The following C10orf90 variants were observed in gnomAD, a reference collection of about 807,000 sequenced individuals.
C10orf90 encodes chromosome 10 open reading frame 90.
Under a neutral mutation model 62.5 loss-of-function variants are expected in C10orf90, and 56 were observed. That is an observed-to-expected ratio of 0.90 (90% CI 0.72 to 1.12). The LOEUF is 1.12. Among genes scored for constraint, C10orf90 ranks in the 50% most tolerant of loss-of-function variants. The pLI is 0.00. For synonymous variants in C10orf90, 386 were observed against 340.4 expected (o/e 1.13, Z -1.47); for missense variants, 970 against 880.4 (o/e 1.10, Z -1.29).
At chr10:126,479,869 A>G (rs1310350127) in intron 4 of C10orf90, among the ~76,000 whole-genome samples, 1 of 152,234 alleles carries the variant, frequency 6.6e-6, no homozygotes, top group African/African-American at 2.4e-5. Flanking sequence ...CTCGATTATA[A>G]TAGCAGACTG....
intron 7 of C10orf90, among the ~76,000 whole-genome samples, chr10:126,433,278 G>A (rs1265499279): frequency 6.6e-6 from 1 of 152,164 alleles, no homozygotes; most frequent in Non-Finnish European, 1.5e-5. Context: ...TCAGAGCCCA[G>A]GATGAGAATG....
At chr10:126,645,546 C>T (rs1487981542) in intron 2 of C10orf90, among the ~76,000 whole-genome samples, 5 of 149,024 alleles carry the variant, frequency 3.4e-5, no homozygotes, top group African/African-American at 1.2e-4. Context: ...GTCATGATAG[C>T]ACCACTGCAC....
In C10orf90 at chr10:126,576,706, T is replaced by TAC. The variant is rs1491013246; in HGVS notation, c.314-62768_314-62767insGT. ...ATACATATACATGTATATGTATATG[T>TAC]ATATATATACAAGATATACATATAT... On this transcript the variant is annotated intron_variant, in intron 2 of 9. Coordinates refer to ENST00000488181, the MANE Select transcript of C10orf90 (RefSeq NM_001350921.2). 2.1e-4 allele frequency among the ~76,000 whole-genome samples: 8 copies of TAC among 37,396 alleles called. 1 individual carries two copies. Among genetic ancestry groups the TAC allele is most frequent in the African/African-American group, 8.1e-4 (7 of 8,674 alleles). 24.5% of individuals were successfully genotyped at this position (37,396 alleles called of 152,430 possible).
intron 2 of C10orf90, among the ~76,000 whole-genome samples, chr10:126,576,785 T>A (rs1179148225): frequency 1.4e-5 from 2 of 143,564 alleles, no homozygotes; most frequent in East Asian, 3.9e-4. Context: ...ATACATATTA[T>A]ATATATATTT....
chr10:126,530,751 A>C (rs1864070015), intron 2 of C10orf90, among the ~76,000 whole-genome samples: 1 of 152,178 alleles, frequency 6.6e-6, no homozygotes, highest in African/African-American at 2.4e-5. Flanking sequence ...CAGGAAGAAA[A>C]CATGCCAACC....
chr10:126,626,997 TTTC>T (rs1438966002), intron 2 of C10orf90, among the ~76,000 whole-genome samples: 76 of 109,144 alleles, frequency 7.0e-4, no homozygotes, highest in African/African-American at 2.6e-3. Context: ...TTCTTTTTCT[TTTC>T]TTTTTTTTTT....
chr10:126,667,938 C>T (rs1170436823), intron 1 of C10orf90, among the ~76,000 whole-genome samples: 1 of 152,182 alleles, frequency 6.6e-6, no homozygotes, highest in Non-Finnish European at 1.5e-5. Context: ...CTCACCACCA[C>T]CTGCTCCCAA....
At chr10:126,587,298 C>T (rs991812082) in intron 2 of C10orf90, among the ~76,000 whole-genome samples, 4 of 152,220 alleles carry the variant, frequency 2.6e-5, no homozygotes, top group Non-Finnish European at 1.5e-5. Flanking sequence ...TCAGTCAGCT[C>T]AGGCTGCCAT....
intron 7 of C10orf90, among the ~76,000 whole-genome samples, chr10:126,455,133 A>G (rs541056081): frequency 6.6e-6 from 1 of 152,188 alleles, no homozygotes; most frequent in African/African-American, 2.4e-5. Flanking sequence ...ACCTGAAGCT[A>G]CACTACCAGC....
At chr10:126,522,469 G>A (rs1221789030) in intron 2 of C10orf90, among the ~76,000 whole-genome samples, 1 of 152,170 alleles carries the variant, frequency 6.6e-6, no homozygotes, top group African/African-American at 2.4e-5. Context: ...TAAATGCATA[G>A]TGGCTTTGTA....
intron 7 of C10orf90, among the ~76,000 whole-genome samples, chr10:126,444,773 A>C (rs182207083): frequency 6.6e-6 from 1 of 152,310 alleles, no homozygotes; most frequent in Non-Finnish European, 1.5e-5. Flanking sequence ...TTCAAACTAT[A>C]CTATAAGGCC....
At chr10:126,598,557 AG>A in intron 2 of C10orf90, among the ~76,000 whole-genome samples, 1 of 152,304 alleles carries the variant, frequency 6.6e-6, no homozygotes, top group African/African-American at 2.4e-5. Context: ...ATACAGCTTC[AG>A]CTTGTGGTCT....
intron 2 of C10orf90, among the ~76,000 whole-genome samples, chr10:126,515,338 A>T (rs1863380376): frequency 6.6e-6 from 1 of 152,178 alleles, no homozygotes. Context: ...TCACTCACTC[A>T]TCCAGATCAA....
At chr10:126,467,229 C>A (rs533383634) in intron 4 of C10orf90, among the ~76,000 whole-genome samples, 1 of 152,142 alleles carries the variant, frequency 6.6e-6, no homozygotes, top group Non-Finnish European at 1.5e-5. Context: ...AGAGTTAAAG[C>A]AACTCAGAGA....
intron 8 of C10orf90, among the ~76,000 whole-genome samples, chr10:126,427,155 A>C (rs2133971795): frequency 6.6e-6 from 1 of 152,362 alleles, no homozygotes; most frequent in African/African-American, 2.4e-5. Flanking sequence ...TGTGCCTAGT[A>C]CAGTGCCTAG....
At chr10:126,565,426 T>TATATTATATAAA (rs1375705834) in intron 2 of C10orf90, among the ~76,000 whole-genome samples, 6 of 57,210 alleles carry the variant, frequency 1.0e-4, no homozygotes, top group Admixed American at 3.0e-4. Context: ...TTATATATAT[T>TATATTATATAAA]ATATATATTA....
intron 2 of C10orf90, among the ~76,000 whole-genome samples, chr10:126,584,396 C>T (rs1386950650): frequency 6.6e-6 from 1 of 151,980 alleles, no homozygotes; most frequent in Non-Finnish European, 1.5e-5. Flanking sequence ...TACCTGTCCA[C>T]CTGCCTGTCT....
intron 4 of C10orf90, among the ~76,000 whole-genome samples, chr10:126,503,016 T>C (rs1862492747): frequency 6.6e-6 from 1 of 152,234 alleles, no homozygotes; most frequent in Non-Finnish European, 1.5e-5. Context: ...AATAAAGCTT[T>C]AATGAATAAA....
At chr10:126,517,077 C>T (rs1300496087) in intron 2 of C10orf90, among the ~76,000 whole-genome samples, 2 of 152,036 alleles carry the variant, frequency 1.3e-5, no homozygotes, top group African/African-American at 4.8e-5. Flanking sequence ...TTTATAAGTT[C>T]CAGGGATTAA....
Sources: gnomAD v4.1 joint callset for allele counts (sites outside exome capture counted in the v4.1 genomes callset) on GRCh38, gnomAD v4.1.1 for gene constraint, MANE v1.5 for transcripts, NCBI Gene and HGNC (gene_info 2026-07-23, HGNC 2026-07-21) for gene names.